The following ITPR2 variants were observed in gnomAD, a reference collection of about 807,000 sequenced individuals.
ITPR2 encodes inositol 1,4,5-trisphosphate receptor type 2, also known as inositol 1,4,5-trisphosphate-gated calcium channel ITPR2.
ITPR2 carries 207 observed loss-of-function variants against 317.1 expected under a neutral mutation model. The ratio of observed to expected loss-of-function variants is 0.65; its 90% CI spans 0.58 to 0.73. The LOEUF is 0.73. ITPR2 is among the 30% of genes least tolerant of loss of function. The pLI is 0.00. For synonymous variants in ITPR2, 1,156 were observed against 1,149.1 expected, an observed-to-expected ratio of 1.01 and a Z score of -0.12; for missense variants, 2,613 against 3,284.0, an observed-to-expected ratio of 0.80 and a Z score of 4.99.
At chr12:26,436,926 A>G (rs747502949) in intron 47 of ITPR2, among the ~76,000 whole-genome samples, 9 of 152,208 alleles carry the variant, frequency 5.9e-5, no homozygotes, top group Non-Finnish European at 7.3e-5. Flanking sequence ...AATCTTCCTA[A>G]GAACTTGTTG....
At chr12:26,538,585 CT>C (rs1159647334) in intron 37 of ITPR2, among the ~76,000 whole-genome samples, 1 of 143,490 alleles carries the variant, frequency 7.0e-6, no homozygotes. Flanking sequence ...TTCTTTTTTT[CT>C]TTTTTTTTGA....
Position 26,831,755 on chromosome 12 carries a change from AATATAT to A in ITPR2, c.92+929_92+934del, listed in dbSNP as rs896910954. Among the ~76,000 whole-genome samples the A allele has an allele frequency of 3.4e-5, 4 of 118,568 alleles. No individual in the cohort carries two copies. Among genetic ancestry groups the A allele is most frequent in the Admixed American group, 2.5e-4 (3 of 12,124 alleles). 77.8% of individuals were successfully genotyped at this position (118,568 alleles called of 152,430 possible). ...ATATATAAATATATATTCTACATAA[AATATAT>A]AAATATATATTCTACATAAAATATA... On this transcript the variant is annotated intron_variant, in intron 1 of 56. Coordinates refer to ENST00000381340, the MANE Select transcript of ITPR2 (RefSeq NM_002223.4). The surrounding 1 kb of genome is among the most constrained non-coding windows in gnomAD (Gnocchi z 4.9).
At chr12:26,427,715 A>AG (rs1941102832) in intron 49 of ITPR2, among the ~76,000 whole-genome samples, 198 bp downstream of exon 49, 2 of 152,174 alleles carry the variant, frequency 1.3e-5, no homozygotes, top group South Asian at 4.1e-4. Flanking sequence ...TCTTAAATAT[A>AG]GCAATCTTTT....
intron 55 of ITPR2, among the ~76,000 whole-genome samples, chr12:26,359,085 C>G (rs747203849): frequency 6.6e-6 from 1 of 152,230 alleles, no homozygotes; most frequent in Non-Finnish European, 1.5e-5. Context: ...TAGTAGAATG[C>G]AAGTTCTAGG....
At position 26,599,365 on chromosome 12, in the gene ITPR2, C is replaced by A; in HGVS notation, c.3802-20G>T. Reference sequence around the variant, plus strand: ...AAGGAGCTAAACACAGAGGAACATGCCCTTGTAATTCTGACAAGATCAATT... The same window carrying A: ...AAGGAGCTAAACACAGAGGAACATGACCTTGTAATTCTGACAAGATCAATT... On this transcript the variant is annotated intron_variant, in intron 29 of 56. Transcript: ENST00000381340. The A allele has an allele frequency of 6.2e-7, 1 of 1,607,642 alleles. No homozygotes were observed. Among genetic ancestry groups the A allele is most frequent in the African/African-American group, 1.3e-5 (1 of 74,904 alleles).
chr12:26,436,766 A>T (rs1272306323), intron 47 of ITPR2, among the ~76,000 whole-genome samples: 1 of 77,900 alleles, frequency 1.3e-5, no homozygotes, highest in Non-Finnish European at 3.4e-5. Context: ...AAAGTCAAAT[A>T]AAAAAACTCA....
chr12:26,576,650 T>C (rs1945285804), intron 34 of ITPR2, among the ~76,000 whole-genome samples: 1 of 152,110 alleles, frequency 6.6e-6, no homozygotes, highest in Non-Finnish European at 1.5e-5. Flanking sequence ...GAGGAGGGTG[T>C]CCATGCGAGG....
At chr12:26,773,969 T>C (rs1328410828) in intron 2 of ITPR2, among the ~76,000 whole-genome samples, 1 of 145,936 alleles carries the variant, frequency 6.9e-6, no homozygotes, top group African/African-American at 2.5e-5. Flanking sequence ...AGAAACAACA[T>C]TCAACTGGAG....
At chr12:26,391,931 A>G (rs1939863809) in intron 54 of ITPR2, among the ~76,000 whole-genome samples, 1 of 152,138 alleles carries the variant, frequency 6.6e-6, no homozygotes, top group African/African-American at 2.4e-5. Flanking sequence ...TTCCTGTGGC[A>G]GGATTCAGGG....
intron 35 of ITPR2, among the ~76,000 whole-genome samples, 191 bp from the exon 36 acceptor site, chr12:26,556,566 T>TTTTTTGTG (rs370599538): frequency 2.3e-4 from 31 of 136,262 alleles, no homozygotes; most frequent in South Asian, 9.6e-4. Context: ...ATTTTTTTTT[T>TTTTTTGTG]TGTGTGTGTG....
At chr12:26,598,509 C>T (rs1281366323) in intron 30 of ITPR2, among the ~76,000 whole-genome samples, 1 of 152,196 alleles carries the variant, frequency 6.6e-6, no homozygotes, top group Non-Finnish European at 1.5e-5. Context: ...TAAGCTGCTA[C>T]TTCTCCAATG....
At chr12:26,463,367 G>A (rs1017336673) in intron 45 of ITPR2, among the ~76,000 whole-genome samples, 2 of 151,958 alleles carry the variant, frequency 1.3e-5, no homozygotes, top group African/African-American at 4.8e-5. Context: ...GGCAACAGAG[G>A]TAAGAACTGA....
At chr12:26,583,251 C>T (rs1945445606) in intron 32 of ITPR2, among the ~76,000 whole-genome samples, 1 of 152,104 alleles carries the variant, frequency 6.6e-6, no homozygotes, top group African/African-American at 2.4e-5. Context: ...CAAGGTTGGC[C>T]TCTTTTTCAT....
At chr12:26,489,248 T>G (rs1282711831) in intron 39 of ITPR2, among the ~76,000 whole-genome samples, 1 of 152,138 alleles carries the variant, frequency 6.6e-6, no homozygotes, top group African/African-American at 2.4e-5. Context: ...GGAAAGAAAC[T>G]CCAAGTGTTT....
At chr12:26,536,720 C>A (rs1388435844) in intron 37 of ITPR2, among the ~76,000 whole-genome samples, 2 of 152,142 alleles carry the variant, frequency 1.3e-5, no homozygotes, top group Non-Finnish European at 2.9e-5. Flanking sequence ...CAGGATCCAC[C>A]AGGCCAGTGT....
At chr12:26,460,880 GC>G (rs1280735052) in intron 45 of ITPR2, among the ~76,000 whole-genome samples, 1 of 152,122 alleles carries the variant, frequency 6.6e-6, no homozygotes, top group Non-Finnish European at 1.5e-5. Context: ...CGACCTGGAT[GC>G]CTAGATCTGT....
intron 2 of ITPR2, among the ~76,000 whole-genome samples, chr12:26,772,188 GA>G (rs1949856510): frequency 6.6e-6 from 1 of 151,216 alleles, no homozygotes; most frequent in African/African-American, 2.4e-5. Flanking sequence ...ATTATCCTAG[GA>G]ACTAATTTAT....
chr12:26,659,021 T>C, intron 16 of ITPR2, 92 bp downstream of exon 16: 3 of 959,314 alleles, frequency 3.1e-6, no homozygotes, highest in Admixed American at 2.3e-5. Context: ...AAGTTAGTGA[T>C]GTGAAAGAAC....
chr12:26,513,526 G>A (rs984709479), intron 37 of ITPR2, among the ~76,000 whole-genome samples: 4 of 150,932 alleles, frequency 2.7e-5, no homozygotes, highest in East Asian at 2.1e-4. Context: ...ACTCTTCCTC[G>A]GATACTTTGT....
Sources: gnomAD v4.1 joint callset for allele counts (sites outside exome capture counted in the v4.1 genomes callset) on GRCh38, gnomAD v4.1.1 for gene constraint, Gnocchi (gnomAD v3.1) non-coding constraint, MANE v1.5 for transcripts, NCBI Gene and HGNC (gene_info 2026-07-23, HGNC 2026-07-21) for gene names.